Variants in NR3C2 observed in about 807,000 individuals in gnomAD.
NR3C2 encodes mineralocorticoid receptor.
NR3C2 carries 15 observed loss-of-function variants against 86.4 expected under a neutral mutation model. That is an observed-to-expected ratio of 0.17 (90% CI 0.12 to 0.27). NR3C2 has a LOEUF of 0.27. NR3C2 is among the 10% of genes least tolerant of loss of function. The probability of loss-of-function intolerance (pLI) is 1.00; values close to 1 mark genes in which losing one functional copy is unlikely to be tolerated. For synonymous variants in NR3C2, 458 were observed against 450.5 expected, an observed-to-expected ratio of 1.02 and a Z score of -0.21; for missense variants, 960 against 1,195.6, an observed-to-expected ratio of 0.80 and a Z score of 2.91.
chr4:148,130,063 G>C (rs1347582537), intron 6 of NR3C2, among the ~76,000 whole-genome samples: 1 of 152,000 alleles, frequency 6.6e-6, no homozygotes, highest in Non-Finnish European at 1.5e-5. Context: ...TAGTTTTACC[G>C]TATCTGTGTT....
At chr4:148,139,293 T>G (rs1481067785) in intron 6 of NR3C2, among the ~76,000 whole-genome samples, 1 of 152,192 alleles carries the variant, frequency 6.6e-6, no homozygotes, top group Non-Finnish European at 1.5e-5. Context: ...TTCAAAACTT[T>G]GGGCTTTGGT....
At chr4:148,190,867 G>T (rs751450356) in intron 4 of NR3C2, among the ~76,000 whole-genome samples, 1 of 152,162 alleles carries the variant, frequency 6.6e-6, no homozygotes, top group Non-Finnish European at 1.5e-5. Flanking sequence ...ATGAGTCCTT[G>T]TGTGTTAGGT....
chr4:148,242,244 T>C (rs150398769), intron 3 of NR3C2, among the ~76,000 whole-genome samples: 83 of 152,284 alleles, frequency 5.5e-4, no homozygotes, highest in African/African-American at 1.7e-3. Context: ...TACAATGATA[T>C]ACACTTATCA....
At chr4:148,336,644 T>C (rs1401905220) in intron 2 of NR3C2, among the ~76,000 whole-genome samples, 1 of 151,898 alleles carries the variant, frequency 6.6e-6, no homozygotes, top group Non-Finnish European at 1.5e-5. Context: ...TGAACATCCC[T>C]CTCCCTAACC....
In NR3C2 at chr4:148,393,515, T is replaced by C. The variant is rs546532152; in HGVS notation, c.1757+41589A>G. Among the ~76,000 whole-genome samples the C allele has an allele frequency of 6.5e-4, 99 of 152,288 alleles. 1 individual carries two copies. The highest frequency in any genetic ancestry group is 2.3e-3 in the African/African-American group (96 of 41,562). ...TACCTTGGGAGCTGGGTGGGGATCT[T>C]GCCCAAGTGAATGGGCAGTGGTGGG... On this transcript the variant is annotated intron_variant, in intron 2 of 8. Transcript: ENST00000358102.
chr4:148,362,826 G>A (rs1225306850), intron 2 of NR3C2, among the ~76,000 whole-genome samples: 1 of 152,288 alleles, frequency 6.6e-6, no homozygotes, highest in Non-Finnish European at 1.5e-5. Context: ...AGGAGAGAGG[G>A]AAGGGCTGAC....
At chr4:148,082,665 GT>G (rs11381991) in intron 8 of NR3C2, among the ~76,000 whole-genome samples, 3,169 of 130,896 alleles carry the variant, frequency 0.024, 80 homozygotes, top group African/African-American at 0.054. Flanking sequence ...GCTAGCTGCA[GT>G]TTTTTTTTTT....
chr4:148,334,844 C>T (rs932193345), intron 2 of NR3C2, among the ~76,000 whole-genome samples: 2 of 152,150 alleles, frequency 1.3e-5, no homozygotes, highest in African/African-American at 4.8e-5. Flanking sequence ...GGTTGGGTTC[C>T]TTCTGAGAGT....
At chr4:148,293,856 C>T (rs1741910838) in intron 2 of NR3C2, among the ~76,000 whole-genome samples, 1 of 152,128 alleles carries the variant, frequency 6.6e-6, no homozygotes, top group South Asian at 2.1e-4. Context: ...CAAGATTTAC[C>T]ACCCACCAGT....
At chr4:148,276,106 C>T (rs1194739367) in intron 2 of NR3C2, among the ~76,000 whole-genome samples, 1 of 152,110 alleles carries the variant, frequency 6.6e-6, no homozygotes, top group Non-Finnish European at 1.5e-5. Context: ...AAGATTTTCA[C>T]CTGACTCAGA....
Position 148,434,864 on chromosome 4 carries a change from C to T in NR3C2, c.1757+240G>A, listed in dbSNP as rs11099696. ...CACCTAAAACAGGAAATGGGGAGTG[C>T]GGGACACCTACATATGCCCCTTCAA... On this transcript the variant is annotated intron_variant, in intron 2 of 8. Coordinates refer to ENST00000358102, the MANE Select transcript of NR3C2 (RefSeq NM_000901.5). 0.44 allele frequency among the ~76,000 whole-genome samples: 66,456 copies of T among 151,966 alleles called. 16,560 individuals carry two copies. The highest frequency in any genetic ancestry group is 0.76 in the East Asian group (3,947 of 5,168).
intron 2 of NR3C2, among the ~76,000 whole-genome samples, chr4:148,375,347 T>C (rs1042691023): frequency 2.0e-5 from 3 of 151,650 alleles, no homozygotes; most frequent in African/African-American, 7.3e-5. Context: ...TCCCAGCTAC[T>C]CGGGAGGCTG....
At chr4:148,313,632 T>C (rs1225396806) in intron 2 of NR3C2, among the ~76,000 whole-genome samples, 1 of 152,172 alleles carries the variant, frequency 6.6e-6, no homozygotes, top group East Asian at 1.9e-4. Context: ...GGAAAATGGG[T>C]CCCAGCTTTT....
intron 2 of NR3C2, among the ~76,000 whole-genome samples, chr4:148,280,669 T>C (rs1354285479): frequency 6.6e-6 from 1 of 151,960 alleles, no homozygotes; most frequent in Non-Finnish European, 1.5e-5. Flanking sequence ...TAACTAATTT[T>C]TTTATTTTTA....
rs1246461238 is a variant in NR3C2 at position 148,079,018 on chromosome 4, T to TAATC, written c.*2322_*2325dup. ...GAATTTAGAATATGGCTTTGCTGTT[T>TAATC]AATCAAGCAAAGTTACCTGGAGACA... is the stretch of plus-strand genomic sequence containing the variant. On this transcript the variant is annotated 3_prime_UTR_variant, in exon 9 of 9. Transcript: ENST00000358102. 3.3e-5 allele frequency: 5 copies of TAATC among 152,648 alleles called. No individual in the cohort carries two copies. The highest frequency in any genetic ancestry group is 5.9e-5 in the Non-Finnish European group (4 of 68,034). 9.5% of individuals were successfully genotyped at this position (152,648 alleles called of 1,614,324 possible). A position where few individuals can be genotyped will look rare whatever the true frequency, so the allele number is the denominator to read the frequency against.
At chr4:148,171,556 A>G (rs1311209533) in intron 4 of NR3C2, among the ~76,000 whole-genome samples, 1 of 152,244 alleles carries the variant, frequency 6.6e-6, no homozygotes, top group African/African-American at 2.4e-5. Context: ...AGAAATGCAC[A>G]ACCCAGATCC....
chr4:148,302,238 T>C (rs1341282453), intron 2 of NR3C2, among the ~76,000 whole-genome samples: 1 of 152,198 alleles, frequency 6.6e-6, no homozygotes, highest in African/African-American at 2.4e-5. Flanking sequence ...AGAGCTAAAA[T>C]GTTCATGAAT....
At chr4:148,144,213 C>G (rs1437500991) in intron 6 of NR3C2, among the ~76,000 whole-genome samples, 1 of 151,886 alleles carries the variant, frequency 6.6e-6, no homozygotes, top group Non-Finnish European at 1.5e-5. Flanking sequence ...CTTTTTTTTT[C>G]TTTCTTTTTG....
At chr4:148,302,079 T>A (rs138131688) in intron 2 of NR3C2, among the ~76,000 whole-genome samples, 4 of 152,340 alleles carry the variant, frequency 2.6e-5, no homozygotes, top group African/African-American at 7.2e-5. Flanking sequence ...AGACATTTTG[T>A]TATTCACAGA....
Sources: gnomAD v4.1 joint callset for allele counts (sites outside exome capture counted in the v4.1 genomes callset) on GRCh38, gnomAD v4.1.1 for gene constraint, MANE v1.5 for transcripts, NCBI Gene and HGNC (gene_info 2026-07-23, HGNC 2026-07-21) for gene names.